The following PRSS38 variants were observed in gnomAD, a reference collection of about 807,000 sequenced individuals.
PRSS38 encodes serine protease 38.
In PRSS38, 22 loss-of-function variants were observed where a neutral mutation model predicts 26.8. The observed-to-expected ratio is 0.82, with a 90% CI of 0.59 to 1.17. The LOEUF (loss-of-function observed/expected upper bound fraction) is 1.17. Ranked by LOEUF, PRSS38 falls within the 50% of genes most tolerant of loss-of-function variation. PRSS38 has a pLI of 0.00. For missense variants in PRSS38, 427 were observed against 422.7 expected, an observed-to-expected ratio of 1.01 and a Z score of -0.09; for synonymous variants, 175 against 172.1, an observed-to-expected ratio of 1.02 and a Z score of -0.13.
At chr1:227,823,715 C>T (rs1487734854) in intron 3 of PRSS38, among the ~76,000 whole-genome samples, 2 of 152,222 alleles carry the variant, frequency 1.3e-5, no homozygotes, top group African/African-American at 4.8e-5. Context: ...TTCCCTTTCA[C>T]CTTCTTCCCT....
chr1:227,830,958 T>C (rs1665145760), intron 3 of PRSS38, among the ~76,000 whole-genome samples: 1 of 152,192 alleles, frequency 6.6e-6, no homozygotes. Flanking sequence ...TAAAGGTTTA[T>C]CAATTTTGGT....
chr1:227,825,428 G>A (rs996753701), intron 3 of PRSS38, among the ~76,000 whole-genome samples: 2 of 152,160 alleles, frequency 1.3e-5, no homozygotes, highest in Admixed American at 1.3e-4. Flanking sequence ...CTGATCTTGT[G>A]ATCTGCCCGC....
intron 3 of PRSS38, 131 bp downstream of exon 3, chr1:227,817,611 ATTTG>A (rs1664942687): frequency 1.8e-5 from 16 of 910,282 alleles, no homozygotes; most frequent in Middle Eastern, 3.3e-4. Context: ...ATCAACATTT[ATTTG>A]TTTGTCAGTG....
At chr1:227,831,994 C>T (rs112337743) in intron 3 of PRSS38, among the ~76,000 whole-genome samples, 1,842 of 152,288 alleles carry the variant, frequency 0.012, 30 homozygotes, top group South Asian at 0.058. Context: ...TGGGTGCATA[C>T]ATATTTATAA....
At chr1:227,830,760 C>T (rs1665143205) in intron 3 of PRSS38, among the ~76,000 whole-genome samples, 1 of 151,852 alleles carries the variant, frequency 6.6e-6, no homozygotes, top group Admixed American at 6.6e-5. Context: ...CCACCTCGGC[C>T]CCCCAAAGTG....
rs796116758 is a variant in PRSS38 at position 227,835,192 on chromosome 1, C to T, written c.584-10278C>T. Among the ~76,000 whole-genome samples the T allele has an allele frequency of 7.2e-5, 11 of 152,266 alleles. 1 individual carries two copies. In the East Asian group the frequency reaches 9.7e-4, roughly 13 times the overall value. ...AATGGAAAATAGGTACTGGCAAGGG[C>T]GTGGAGAAAGCAGAGCCCTCGTTCA... On this transcript the variant is annotated intron_variant, in intron 3 of 4. Transcript: ENST00000366757.
exon 3 of PRSS38, chr1:227,817,212 C>G (rs1233269223): frequency 6.2e-7 from 1 of 1,612,654 alleles, no homozygotes; most frequent in Non-Finnish European, 8.5e-7. Flanking sequence ...CCCACAGGGA[C>G]AAGAATATCA....
chr1:227,816,962 G>T lies in PRSS38; in HGVS notation c.312-247G>T, dbSNP rs865942158. On this transcript the variant is annotated intron_variant, in intron 2 of 4. Transcript: ENST00000366757. The surrounding 1 kb of genome is among the most constrained non-coding windows in gnomAD (Gnocchi z 5.1). Reference sequence around the variant, plus strand: ...GAGTCAGAGCAGGTCTCACATGCATGGGCTGCTGGCCTGTACAGCTGGTGG... The same window carrying T: ...GAGTCAGAGCAGGTCTCACATGCATTGGCTGCTGGCCTGTACAGCTGGTGG... Among the ~76,000 whole-genome samples the T allele has an allele frequency of 4.6e-5, 7 of 152,248 alleles. No individual in the cohort carries two copies. The highest frequency in any genetic ancestry group is 8.8e-5 in the Non-Finnish European group (6 of 68,044).
intron 3 of PRSS38, among the ~76,000 whole-genome samples, chr1:227,824,780 G>A (rs1665047937): frequency 2.0e-5 from 3 of 152,100 alleles, no homozygotes; most frequent in Admixed American, 2.0e-4. Context: ...ACATGAGATG[G>A]TATCTCATTG....
At chr1:227,827,376 T>C (rs1665088634) in intron 3 of PRSS38, among the ~76,000 whole-genome samples, 1 of 152,176 alleles carries the variant, frequency 6.6e-6, no homozygotes, top group African/African-American at 2.4e-5. Flanking sequence ...ATTGGTCTGT[T>C]CAGGGTTTCA....
At chr1:227,842,899 C>T (rs1665359882) in intron 3 of PRSS38, among the ~76,000 whole-genome samples, 1 of 152,146 alleles carries the variant, frequency 6.6e-6, no homozygotes, top group Non-Finnish European at 1.5e-5. Context: ...TCTTACCATG[C>T]ATCTTTGACA....
chr1:227,837,889 C>T (rs138691187), intron 3 of PRSS38, among the ~76,000 whole-genome samples: 50 of 152,174 alleles, frequency 3.3e-4, no homozygotes, highest in Admixed American at 1.8e-3. Context: ...TATTTTCTAC[C>T]GCACTGGCTT....
In PRSS38 at chr1:227,823,097, C is replaced by T. The variant is rs184051400; in HGVS notation, c.583+5617C>T. ...TCTCATCCCCCATCACCTTCCCATC[C>T]TCCTACCTTGCTGAGTCTCCAATGC... On this transcript the variant is annotated intron_variant, in intron 3 of 4. Coordinates refer to ENST00000366757, the Ensembl canonical transcript of PRSS38. Among the ~76,000 whole-genome samples the T allele has an allele frequency of 3.2e-3, 491 of 152,126 alleles. 5 individuals carry two copies. Among genetic ancestry groups the T allele is most frequent in the African/African-American group, 0.011 (465 of 41,492 alleles).
chr1:227,829,732 T>C (rs538233735), intron 3 of PRSS38, among the ~76,000 whole-genome samples: 34 of 152,308 alleles, frequency 2.2e-4, no homozygotes, highest in Non-Finnish European at 4.3e-4. Flanking sequence ...GTGAGTTTTT[T>C]CATATATTAT....
At chr1:227,841,443 C>A (rs1015503467) in intron 3 of PRSS38, among the ~76,000 whole-genome samples, 2 of 152,254 alleles carry the variant, frequency 1.3e-5, no homozygotes, top group Non-Finnish European at 2.9e-5. Flanking sequence ...AGAGGGCACC[C>A]ATGTGGGAAA....
chr1:227,818,691 A>C (rs1664958278), intron 3 of PRSS38, among the ~76,000 whole-genome samples: 1 of 151,800 alleles, frequency 6.6e-6, no homozygotes, highest in Admixed American at 6.6e-5. Flanking sequence ...AAAAAAAAAA[A>C]AAAAAAAACG....
chr1:227,836,095 G>GT (rs958731303), intron 3 of PRSS38, among the ~76,000 whole-genome samples: 5 of 143,612 alleles, frequency 3.5e-5, no homozygotes, highest in Non-Finnish European at 6.2e-5. Flanking sequence ...TTGTTTGTTT[G>GT]TTTTTTACTT....
rs1664936947 is a variant in PRSS38 at position 227,817,328 on chromosome 1, A to G, written c.431A>G (p.Tyr144Cys). The change falls in exon 3 of 5, where the codon TAC becomes TGC. Residue 144 changes from tyrosine to cysteine, a missense_variant. Physicochemically the swap from Tyr to Cys is radical, Grantham distance 194. Coordinates refer to ENST00000366757, the Ensembl canonical transcript of PRSS38. ...ATCCTGCACCCCACATATGAGATGT[A>G]CCACCCCATCGGAGGTGACGTGGCC... 5 of 1,614,086 alleles carry G rather than the reference A, an allele frequency of 3.1e-6. 1 individual carries two copies. In the Admixed American group the frequency reaches 6.7e-5, roughly 22 times the overall value.
At chr1:227,844,675 T>G (rs1485961283) in intron 3 of PRSS38, among the ~76,000 whole-genome samples, 1 of 137,498 alleles carries the variant, frequency 7.3e-6, no homozygotes, top group Non-Finnish European at 1.5e-5. Context: ...TCCCTATGTG[T>G]GGTCAGGGCT....
Sources: allele counts gnomAD v4.1 joint callset (sites outside exome capture counted in the v4.1 genomes callset), GRCh38; gene constraint gnomAD v4.1.1; non-coding constraint Gnocchi (gnomAD v3.1); transcripts MANE v1.5; gene names NCBI Gene and HGNC (gene_info 2026-07-23, HGNC 2026-07-21).